The following LRBA variants were observed in gnomAD, a reference collection of about 807,000 sequenced individuals.
The protein encoded by LRBA is LPS responsive beige-like anchor protein, also known as lipopolysaccharide-responsive and beige-like anchor protein.
LRBA carries 176 observed loss-of-function variants against 330.0 expected under a neutral mutation model. The observed-to-expected ratio is 0.53, with a 90% confidence interval of 0.47 to 0.60. The LOEUF is 0.60. Among genes scored for constraint, LRBA ranks in the 20% least tolerant of loss-of-function variants. The pLI is 0.00. For synonymous variants in LRBA, 1,230 were observed against 1,193.0 expected (o/e 1.03, Z -0.64); for missense variants, 3,259 against 3,444.8 (o/e 0.95, Z 1.35).
rs1482695121 is a variant in LRBA, at chr4:150,415,655, A to C, written c.7042-65T>G. ...AGGATACTGACTAGATATTCAAAAA[A>C]AGGACCTGATCATTTTCTATTGTTC... On this transcript the variant is annotated intron_variant, in intron 46 of 56. Coordinates refer to ENST00000651943, the MANE Select transcript of LRBA (RefSeq NM_001364905.1). 4 of 956,356 alleles carry C rather than the reference A, an allele frequency of 4.2e-6. No homozygotes were observed. In the South Asian group the frequency reaches 5.0e-5, roughly 12 times the overall value. The allele number at this position is 956,356 out of a possible 1,614,324, so 59.2% of individuals were successfully genotyped here.
At chr4:150,993,734 T>C (rs760840473) in intron 2 of LRBA, among the ~76,000 whole-genome samples, 1 of 151,988 alleles carries the variant, frequency 6.6e-6, no homozygotes, top group Admixed American at 6.5e-5. Context: ...AACCATCAGA[T>C]CTCATGAGAC....
In LRBA at chr4:150,852,352, T is replaced by C. The variant is rs761029271; in HGVS notation, c.3358A>G (p.Thr1120Ala). 1.2e-6 allele frequency: 2 copies of C among 1,613,806 alleles called. No homozygotes were observed. The highest frequency in any genetic ancestry group is 2.2e-5 in the East Asian group (1 of 44,888). Reference sequence around the variant, plus strand: ...TCTGTGGGTAGATTAGCTTCCTCAGTAGGACTGCCTTCTACTTTCAGTTCC... The same window carrying C: ...TCTGTGGGTAGATTAGCTTCCTCAGCAGGACTGCCTTCTACTTTCAGTTCC... The part of the protein sequence containing the change: ...YVELKVEGSP[T>A]EEANLPTELQ... Residue 1120 changes from threonine (T) to alanine (A), a missense_variant, in exon 23 of 57, where the codon ACT becomes GCT. Physicochemically the swap from Thr to Ala is moderately conservative, Grantham distance 58. Coordinates refer to ENST00000651943, the MANE Select transcript of LRBA (RefSeq NM_001364905.1).
Position 150,622,142 on chromosome 4 carries a change from A to T in LRBA, c.5922-23011T>A, listed in dbSNP as rs192085678. 8.9e-4 allele frequency among the ~76,000 whole-genome samples: 135 copies of T among 152,266 alleles called. 1 individual carries two copies. The highest frequency in any genetic ancestry group is 5.8e-3 in the East Asian group (30 of 5,190). On this transcript the variant is annotated intron_variant, in intron 37 of 56. Coordinates refer to ENST00000651943, the MANE Select transcript of LRBA (RefSeq NM_001364905.1). ...AGGAAGGGAGGCAACATGTTTAAAAACTCAATACCAAGTTTTATAATGCAA... is the reference window on the plus strand; with the variant it reads ...AGGAAGGGAGGCAACATGTTTAAAATCTCAATACCAAGTTTTATAATGCAA...
intron 37 of LRBA, among the ~76,000 whole-genome samples, chr4:150,644,801 G>C (rs1225957210): frequency 6.6e-6 from 1 of 151,848 alleles, no homozygotes; most frequent in East Asian, 1.9e-4. Context: ...AGTGGAATCT[G>C]CTAGGATGTC....
chr4:150,931,908 C>G (rs1579242214), intron 2 of LRBA, among the ~76,000 whole-genome samples: 1 of 151,820 alleles, frequency 6.6e-6, no homozygotes, highest in Non-Finnish European at 1.5e-5. Context: ...TAAAATAAAA[C>G]TTATAAAAGC....
chr4:150,386,164 T>A (rs991141884), intron 47 of LRBA, among the ~76,000 whole-genome samples: 3 of 152,076 alleles, frequency 2.0e-5, no homozygotes, highest in Non-Finnish European at 4.4e-5. Context: ...GTATTTGGCA[T>A]CATAATAATC....
At position 151,014,560 on chromosome 4, in the gene LRBA, G is replaced by A. The variant is rs1408600058; in HGVS notation, c.83C>T (p.Thr28Ile). The A allele has an allele frequency of 1.2e-6, 2 of 1,613,526 alleles. No homozygotes were observed. The highest frequency in any genetic ancestry group is 1.7e-6 in the Non-Finnish European group (2 of 1,179,720). ...TTTCAGAGACAATGCACCCCCTTCA[G>A]TAGGGGTTTCTTCTCTCCCTCCACC... ...GGGGGREETP[T>I]EGGALSLKPG... Residue 28 changes from threonine to isoleucine, a missense_variant, in exon 2 of 57, where the codon ACT (threonine) becomes ATT (isoleucine). Thr to Ile is a moderately conservative substitution (Grantham distance 89). Transcript: ENST00000651943.
intron 44 of LRBA, among the ~76,000 whole-genome samples, chr4:150,443,845 A>AT (rs1394721869): frequency 3.7e-4 from 23 of 62,106 alleles, no homozygotes; most frequent in Middle Eastern, 8.1e-3. Flanking sequence ...TTAAAGTATA[A>AT]TTAAAAAAAT....
In LRBA at chr4:150,583,973, G is replaced by A; in HGVS notation, c.6330+4075C>T. 1 of 1,614,030 alleles carries A rather than the reference G, an allele frequency of 6.2e-7. No individual in the cohort carries two copies. ...CTCATCTCCTGCCTGCAGTGCCGCC[G>A]CTGCCCTCACTACTTTCTGCCCAAC... On this transcript the variant is annotated intron_variant, in intron 40 of 56. Coordinates refer to ENST00000651943, the MANE Select transcript of LRBA (RefSeq NM_001364905.1). This position sits in a 1 kb window ranked among gnomAD's most constrained non-coding sequence, Gnocchi z 9.8.
intron 36 of LRBA, among the ~76,000 whole-genome samples, chr4:150,705,737 G>C (rs1350044652): frequency 2.0e-5 from 3 of 151,856 alleles, no homozygotes; most frequent in African/African-American, 4.8e-5. Context: ...TGACAAAATT[G>C]AACATTCTTC....
chr4:150,494,249 A>C (rs2152109378), intron 40 of LRBA, among the ~76,000 whole-genome samples: 1 of 152,298 alleles, frequency 6.6e-6, no homozygotes, highest in South Asian at 2.1e-4. Flanking sequence ...AGAAAGGGTT[A>C]AATATCTGTT....
At chr4:150,589,068 C>CACAG (rs1554060916) in intron 39 of LRBA, among the ~76,000 whole-genome samples, 1 of 149,522 alleles carries the variant, frequency 6.7e-6, no homozygotes, top group Admixed American at 6.6e-5. Context: ...CACACACACA[C>CACAG]ACACAGAGAG....
intron 38 of LRBA, among the ~76,000 whole-genome samples, chr4:150,595,015 A>AT (rs1042269892): frequency 6.6e-6 from 1 of 152,016 alleles, no homozygotes; most frequent in African/African-American, 2.4e-5. Context: ...AAGAATTAGC[A>AT]TTTTTAAAAA....
At chr4:150,363,354 T>C (rs1738991460) in intron 47 of LRBA, among the ~76,000 whole-genome samples, 1 of 152,168 alleles carries the variant, frequency 6.6e-6, no homozygotes, top group Admixed American at 6.5e-5. Flanking sequence ...ATTTCCTCTT[T>C]TGGTCCCAGA....
chr4:150,467,567 G>A (rs532846931), intron 44 of LRBA, 106 bp downstream of exon 44: 39 of 620,088 alleles, frequency 6.3e-5, no homozygotes, highest in Non-Finnish European at 9.9e-5. Context: ...TTAAAGGTAC[G>A]ACTATATTTG....
At chr4:150,388,705 G>C (rs1003786054) in intron 47 of LRBA, among the ~76,000 whole-genome samples, 1 of 152,188 alleles carries the variant, frequency 6.6e-6, no homozygotes, top group Non-Finnish European at 1.5e-5. Flanking sequence ...GCTTAAACTA[G>C]TTCATGAATA....
At chr4:150,313,916 T>A (rs1731392661) in intron 51 of LRBA, among the ~76,000 whole-genome samples, 1 of 151,190 alleles carries the variant, frequency 6.6e-6, no homozygotes, top group African/African-American at 2.4e-5. Flanking sequence ...TGACATAAAG[T>A]TTGGACTGTG....
rs779543697 is a variant in LRBA at position 150,808,413 on chromosome 4, T to A, written c.5306-15A>T. The A allele has an allele frequency of 1.3e-5, 19 of 1,469,932 alleles. No homozygotes were observed. The highest frequency in any genetic ancestry group is 1.7e-5 in the Non-Finnish European group (18 of 1,051,472). The allele number at this position is 1,469,932 out of a possible 1,614,324, so 91.1% of individuals were successfully genotyped here. A position where few individuals can be genotyped will look rare whatever the true frequency, so the allele number is the denominator to read the frequency against. On this transcript the variant is annotated splice_polypyrimidine_tract_variant and intron_variant, in intron 31 of 56. Transcript: ENST00000651943. ...TGATCTACTGCCTATAAAAGAAAAATAACCATCTATAGGAATTTTCTGCTT... is the reference window on the plus strand; with the variant it reads ...TGATCTACTGCCTATAAAAGAAAAAAAACCATCTATAGGAATTTTCTGCTT...
intron 22 of LRBA, among the ~76,000 whole-genome samples, chr4:150,863,137 A>T (rs985557794): frequency 6.6e-6 from 1 of 152,104 alleles, no homozygotes; most frequent in Non-Finnish European, 1.5e-5. Flanking sequence ...TCTCTACAAA[A>T]AAACTAAAAA....
Sources: allele counts gnomAD v4.1 joint callset (sites outside exome capture counted in the v4.1 genomes callset), GRCh38; gene constraint gnomAD v4.1.1; non-coding constraint Gnocchi (gnomAD v3.1); transcripts MANE v1.5; gene names NCBI Gene and HGNC (gene_info 2026-07-23, HGNC 2026-07-21).